VWA3B: variants seen among roughly 807,000 people sequenced by gnomAD.
VWA3B encodes von Willebrand factor A domain-containing protein 3B.
A neutral mutation model predicts 158.3 loss-of-function variants in VWA3B; 138 were observed. The observed-to-expected ratio is 0.87, with a 90% confidence interval of 0.76 to 1.00. VWA3B has a LOEUF of 1.00. Among genes scored for constraint, VWA3B ranks in the 50% least tolerant of loss-of-function variants. VWA3B has a pLI of 0.00. For synonymous variants in VWA3B, 596 were observed against 587.3 expected, an observed-to-expected ratio of 1.01 and a Z score of -0.21; for missense variants, 1,555 against 1,565.1, an observed-to-expected ratio of 0.99 and a Z score of 0.11.
In VWA3B at chr2:98,312,023, C is replaced by T. The variant is rs753353583; in HGVS notation, c.3726C>T (p.Pro1242=). 8 of 1,597,592 alleles carry T rather than the reference C, an allele frequency of 5.0e-6. No individual in the cohort carries two copies. The highest frequency in any genetic ancestry group is 6.0e-6 in the Non-Finnish European group (7 of 1,171,812). The change falls in exon 27 of 28, where the codon CCC becomes CCT. Residue 1242 remains proline (P), a synonymous_variant. Coordinates refer to ENST00000477737, the MANE Select transcript of VWA3B (RefSeq NM_144992.5). ...ATGGGTCCTGCCAGGGGACACACCC[C>T]GAGCCCAGGGTTTGGGTGATGGGGG... ...SSHGSCQGTH[P]EPRTAHLHFP... is the part of the protein sequence containing the mutation.
chr2:98,203,273 T>C (rs1682735571), intron 12 of VWA3B, among the ~76,000 whole-genome samples: 1 of 152,242 alleles, frequency 6.6e-6, no homozygotes. Context: ...GGGTTCCCTG[T>C]TCTGTTCTAT....
intron 26 of VWA3B, among the ~76,000 whole-genome samples, chr2:98,304,355 C>T (rs191070441): frequency 2.6e-5 from 4 of 152,152 alleles, no homozygotes; most frequent in South Asian, 4.2e-4. Context: ...ATGGGGCCAA[C>T]GAGGGGCATC....
At chr2:98,107,452 T>C (rs967708015) in intron 2 of VWA3B, among the ~76,000 whole-genome samples, 1 of 152,132 alleles carries the variant, frequency 6.6e-6, no homozygotes, top group Non-Finnish European at 1.5e-5. Context: ...CAATGTAGAA[T>C]TAATATTAAT....
chr2:98,290,631 T>A lies in VWA3B; in HGVS notation c.3157+9T>A. ...TGGCTTTTATTTTCCAGGTAGTTTTTTTTTTTTTAATTTCGTGAGGCTTTT... is the reference window on the plus strand; with the variant it reads ...TGGCTTTTATTTTCCAGGTAGTTTTATTTTTTTTAATTTCGTGAGGCTTTT... On this transcript the variant is annotated intron_variant, in intron 23 of 27. Transcript: ENST00000477737. The A allele has an allele frequency of 6.3e-7, 1 of 1,574,974 alleles. No individual in the cohort carries two copies. The highest frequency in any genetic ancestry group is 1.2e-5 in the South Asian group (1 of 84,596).
chr2:98,274,862 T>C (rs1688424167), intron 22 of VWA3B, among the ~76,000 whole-genome samples: 1 of 152,082 alleles, frequency 6.6e-6, no homozygotes, highest in African/African-American at 2.4e-5. Flanking sequence ...AACAGAGACA[T>C]GGGTTATGGG....
intron 7 of VWA3B, among the ~76,000 whole-genome samples, chr2:98,151,931 A>C (rs1475151870): frequency 1.3e-5 from 2 of 152,206 alleles, no homozygotes; most frequent in Non-Finnish European, 2.9e-5. Flanking sequence ...AATAATCCAA[A>C]AGGATTTGGC....
intron 11 of VWA3B, 104 bp from the exon 12 acceptor site, chr2:98,194,257 G>T: frequency 8.1e-7 from 1 of 1,232,688 alleles, no homozygotes; most frequent in Admixed American, 2.2e-5. Context: ...TTCTTGAACT[G>T]AAAATAGAGA....
rs1681855347 is a variant in VWA3B, at chr2:98,194,402, T to C, written c.1647T>C (p.Phe549=). ...AAAGTAAGTTTAACTTTGTGAAGTT[T>C]GATGGTCAAGCAGTTGCTTGGCGGG... ...KYKSKFNFVK[F]DGQAVAWREQ... is the part of the protein sequence containing the mutation. Residue 549 remains phenylalanine (F), a synonymous_variant, in exon 12 of 28, where the codon TTT becomes TTC. Coordinates refer to ENST00000477737, the MANE Select transcript of VWA3B (RefSeq NM_144992.5). The C allele has an allele frequency of 2.5e-6, 4 of 1,614,114 alleles. No individual in the cohort carries two copies. The highest frequency in any genetic ancestry group is 3.4e-6 in the Non-Finnish European group (4 of 1,180,004).
At chr2:98,206,890 G>A (rs755641136) in intron 12 of VWA3B, 12 of 416,178 alleles carry the variant, frequency 2.9e-5, no homozygotes, top group Non-Finnish European at 4.2e-5. Context: ...CTTATATTAT[G>A]AAATGACTGA....
intron 12 of VWA3B, chr2:98,206,579 A>G (rs553163201): frequency 1.5e-5 from 7 of 481,002 alleles, no homozygotes; most frequent in East Asian, 4.9e-5. Context: ...GAGCAGAATC[A>G]TGAACATCAT....
chr2:98,300,361 C>T (rs566585266), intron 25 of VWA3B, 145 bp downstream of exon 25: 29 of 1,213,154 alleles, frequency 2.4e-5, no homozygotes, highest in South Asian at 2.4e-4. Context: ...TTCTGCCCAC[C>T]GTGCCACACA....
At chr2:98,149,163 G>T (rs1368769372) in intron 7 of VWA3B, among the ~76,000 whole-genome samples, 1 of 152,218 alleles carries the variant, frequency 6.6e-6, no homozygotes. Flanking sequence ...AAAAGATTGA[G>T]CTGTATCAGC....
At chr2:98,093,367 TC>T (rs970086904) in intron 2 of VWA3B, 79 bp downstream of exon 2, 1 of 1,466,236 alleles carries the variant, frequency 6.8e-7, no homozygotes, top group African/African-American at 1.4e-5. Context: ...TGAAGGCCCC[TC>T]AAAAACCACA....
chr2:98,216,353 T>G (rs929029582), intron 13 of VWA3B, among the ~76,000 whole-genome samples: 6 of 152,222 alleles, frequency 3.9e-5, no homozygotes, highest in African/African-American at 1.4e-4. Flanking sequence ...TTTTGGGAAT[T>G]CTTTAAAGTT....
chr2:98,219,882 G>T (rs540506647), intron 14 of VWA3B, among the ~76,000 whole-genome samples: 2 of 152,148 alleles, frequency 1.3e-5, no homozygotes, highest in South Asian at 4.1e-4. Context: ...TATAAAAACG[G>T]TCAGGTGCAG....
intron 7 of VWA3B, 39 bp from the exon 8 acceptor site, chr2:98,162,812 T>A: frequency 6.2e-7 from 1 of 1,609,522 alleles, no homozygotes; most frequent in East Asian, 2.2e-5. Flanking sequence ...TTCCTGGGCC[T>A]GTCTCAGCCG....
At chr2:98,169,564 A>G (rs1170013945) in intron 8 of VWA3B, among the ~76,000 whole-genome samples, 10 of 152,214 alleles carry the variant, frequency 6.6e-5, no homozygotes, top group Admixed American at 5.2e-4. Flanking sequence ...ACCAGTGTGT[A>G]CACTTTAAAG....
At chr2:98,264,041 T>A (rs1687643916) in intron 21 of VWA3B, among the ~76,000 whole-genome samples, 1 of 152,016 alleles carries the variant, frequency 6.6e-6, no homozygotes, top group Non-Finnish European at 1.5e-5. Context: ...CTCTTAGTAG[T>A]CTCATAATCC....
intron 7 of VWA3B, among the ~76,000 whole-genome samples, chr2:98,153,754 C>T (rs941579255): frequency 2.6e-5 from 4 of 152,232 alleles, no homozygotes; most frequent in East Asian, 1.9e-4. Flanking sequence ...GGAGCCGGAG[C>T]GGCTGTGCAT....
Sources: allele counts gnomAD v4.1 joint callset (sites outside exome capture counted in the v4.1 genomes callset), GRCh38; gene constraint gnomAD v4.1.1; transcripts MANE v1.5; gene names NCBI Gene and HGNC (gene_info 2026-07-23, HGNC 2026-07-21).